SPOCK1: variants seen among roughly 807,000 people sequenced by gnomAD.
The protein encoded by SPOCK1 is testican-1.
Under a neutral mutation model 55.3 loss-of-function variants are expected in SPOCK1, and 23 were observed. That is an observed-to-expected ratio of 0.42 (90% CI 0.30 to 0.59). SPOCK1 has a LOEUF of 0.59. Ranked by LOEUF, SPOCK1 falls within the 20% of genes least tolerant of loss-of-function variation. The pLI, the probability that SPOCK1 is intolerant of heterozygous loss-of-function variation, is 0.22. For missense variants in SPOCK1, 499 were observed against 552.5 expected, an observed-to-expected ratio of 0.90 and a Z score of 0.97; for synonymous variants, 226 against 221.0, an observed-to-expected ratio of 1.02 and a Z score of -0.20.
At chr5:137,140,238 T>C (rs1041611239) in intron 4 of SPOCK1, among the ~76,000 whole-genome samples, 4 of 152,220 alleles carry the variant, frequency 2.6e-5, no homozygotes, top group Non-Finnish European at 4.4e-5. Flanking sequence ...ACTTGGCCCC[T>C]GCTTTCTTAG....
chr5:137,298,866 A>G (rs1757538043), intron 2 of SPOCK1, among the ~76,000 whole-genome samples: 1 of 151,950 alleles, frequency 6.6e-6, no homozygotes, highest in South Asian at 2.1e-4. Flanking sequence ...TTAATTTTCA[A>G]CCTACCCATT....
rs111413586 is a variant in SPOCK1 at position 137,303,836 on chromosome 5, G to C, written c.187-36781C>G. Among the ~76,000 whole-genome samples the C allele has an allele frequency of 2.0e-3, 299 of 152,312 alleles. 2 individuals carry two copies. The highest frequency in any genetic ancestry group is 7.0e-3 in the African/African-American group (293 of 41,566). Reference sequence around the variant, plus strand: ...CGTGTGACGCCTGGGACCCTGAGCAGGAATTCCAGCAACTCTTTGCCCTTC... The same window carrying C: ...CGTGTGACGCCTGGGACCCTGAGCACGAATTCCAGCAACTCTTTGCCCTTC... On this transcript the variant is annotated intron_variant, in intron 2 of 10. Transcript: ENST00000394945.
intron 6 of SPOCK1, among the ~76,000 whole-genome samples, chr5:137,000,901 G>T (rs543152109): frequency 6.6e-6 from 1 of 152,224 alleles, no homozygotes; most frequent in South Asian, 2.1e-4. Flanking sequence ...TGGGCTTGGT[G>T]GCATGTGCCT....
chr5:137,415,374 T>C (rs1258869133), intron 2 of SPOCK1, among the ~76,000 whole-genome samples: 2 of 152,190 alleles, frequency 1.3e-5, no homozygotes, highest in African/African-American at 4.8e-5. Flanking sequence ...AGCCATATGT[T>C]TGTGTGACTA....
chr5:137,472,506 G>A (rs1424956417), intron 2 of SPOCK1, among the ~76,000 whole-genome samples: 2 of 152,190 alleles, frequency 1.3e-5, no homozygotes, highest in Non-Finnish European at 2.9e-5. Context: ...TGCTGCTGGT[G>A]GGGGCTTTAA....
intron 2 of SPOCK1, among the ~76,000 whole-genome samples, chr5:137,378,739 C>T (rs1422384758): frequency 6.6e-6 from 1 of 152,192 alleles, no homozygotes. Flanking sequence ...GCGCCTGAGG[C>T]AAAGGCTGTT....
intron 3 of SPOCK1, among the ~76,000 whole-genome samples, chr5:137,171,693 C>T (rs6870151): frequency 0.069 from 10,482 of 152,172 alleles, 707 homozygotes; most frequent in African/African-American, 0.17. Flanking sequence ...GAAAACCTCA[C>T]GCTGGCACAC....
chr5:137,213,597 A>C (rs189747251), intron 3 of SPOCK1, among the ~76,000 whole-genome samples: 11 of 152,352 alleles, frequency 7.2e-5, no homozygotes, highest in Non-Finnish European at 4.4e-5. Context: ...CTAGATTAGG[A>C]ATCAGGAGAC....
intron 4 of SPOCK1, among the ~76,000 whole-genome samples, chr5:137,126,365 T>C (rs564408053): frequency 6.6e-6 from 1 of 152,322 alleles, no homozygotes; most frequent in South Asian, 2.1e-4. Flanking sequence ...CTTTTCTTTA[T>C]AAATTACCCA....
intron 2 of SPOCK1, among the ~76,000 whole-genome samples, chr5:137,464,133 T>A (rs1753550216): frequency 6.6e-6 from 1 of 151,972 alleles, no homozygotes; most frequent in South Asian, 2.1e-4. Flanking sequence ...ATTCCATCTC[T>A]TAAATAAAAA....
At chr5:137,074,388 C>T (rs1488196958) in intron 5 of SPOCK1, among the ~76,000 whole-genome samples, 1 of 152,166 alleles carries the variant, frequency 6.6e-6, no homozygotes, top group Non-Finnish European at 1.5e-5. Context: ...GAGAACACCC[C>T]TTTTCTTAGG....
intron 2 of SPOCK1, among the ~76,000 whole-genome samples, chr5:137,282,911 G>A (rs1190160111): frequency 3.9e-5 from 6 of 152,354 alleles, no homozygotes; most frequent in Middle Eastern, 3.4e-3. Flanking sequence ...GCCCAGAAAA[G>A]TGCCAAGAAC....
At chr5:137,266,932 T>A in intron 3 of SPOCK1, 78 bp downstream of exon 3, 1 of 1,325,230 alleles carries the variant, frequency 7.5e-7, no homozygotes. Context: ...TGTGGGAACA[T>A]TAACTCAGCA....
In SPOCK1 at chr5:137,256,823, G is replaced by A. The variant is rs181209430; in HGVS notation, c.232+10187C>T. On this transcript the variant is annotated intron_variant, in intron 3 of 10. Transcript: ENST00000394945. The stretch of plus-strand genomic sequence containing the variant: ...GGACGCATCAACCTCCAGCGCACGC[G>A]TGCCACAAGCAAAAGACAAGAAGAG... Among the ~76,000 whole-genome samples, 29 of 152,172 alleles carry A rather than the reference G, an allele frequency of 1.9e-4. No individual in the cohort carries two copies. The East Asian group carries it at 3.5e-3, about 18-fold the overall frequency.
In SPOCK1 at chr5:137,128,580, G is replaced by A. The variant is rs558295016; in HGVS notation, c.347+12000C>T. On this transcript the variant is annotated intron_variant, in intron 4 of 10. Transcript: ENST00000394945. ...TCATTTTAGAAGGAAATGGAGATTC[G>A]GTGCAGGAAGCAGCTTGAGGGCAGA... is the stretch of plus-strand genomic sequence containing the variant. Among the ~76,000 whole-genome samples, 18 of 152,294 alleles carry A rather than the reference G, an allele frequency of 1.2e-4. No homozygotes were observed. The South Asian group carries it at 1.2e-3, about 11-fold the overall frequency.
chr5:137,439,260 T>C (rs1306295696), intron 2 of SPOCK1, among the ~76,000 whole-genome samples: 2 of 152,170 alleles, frequency 1.3e-5, no homozygotes, highest in African/African-American at 2.4e-5. Flanking sequence ...CCAGTTTCTA[T>C]GCCAGCTTCT....
At chr5:137,379,708 T>A (rs554566498) in intron 2 of SPOCK1, among the ~76,000 whole-genome samples, 4 of 152,306 alleles carry the variant, frequency 2.6e-5, no homozygotes, top group African/African-American at 9.6e-5. Flanking sequence ...AGCATCTGAC[T>A]TGAATGTGAG....
intron 3 of SPOCK1, among the ~76,000 whole-genome samples, chr5:137,212,372 AC>A (rs1442350043): frequency 3.9e-5 from 6 of 152,220 alleles, no homozygotes; most frequent in African/African-American, 1.4e-4. Flanking sequence ...AAAGTGTTTC[AC>A]CCAGTGTCTG....
chr5:137,491,202 G>A (rs1179904651), intron 2 of SPOCK1, among the ~76,000 whole-genome samples: 4 of 152,180 alleles, frequency 2.6e-5, no homozygotes, highest in East Asian at 1.9e-4. Flanking sequence ...AGACTGGAAC[G>A]TGACCTCAGG....
Sources: gnomAD v4.1 joint callset for allele counts (sites outside exome capture counted in the v4.1 genomes callset) on GRCh38, gnomAD v4.1.1 for gene constraint, MANE v1.5 for transcripts, NCBI Gene and HGNC (gene_info 2026-07-23, HGNC 2026-07-21) for gene names.